HDAC2: variants seen among roughly 807,000 people sequenced by gnomAD.
The protein encoded by HDAC2 is histone deacetylase 2.
A neutral mutation model predicts 68.5 loss-of-function variants in HDAC2; 5 were observed. The observed-to-expected ratio is 0.07, with a 90% confidence interval of 0.04 to 0.15. The LOEUF (loss-of-function observed/expected upper bound fraction) is 0.15, where lower values mean the gene tolerates loss of function less well. Among genes scored for constraint, HDAC2 ranks in the 10% least tolerant of loss-of-function variants. The pLI, the probability that HDAC2 is intolerant of heterozygous loss-of-function variation, is 1.00. For missense variants in HDAC2, 291 were observed against 600.8 expected (o/e 0.48, Z 5.39); for synonymous variants, 182 against 191.3 (o/e 0.95, Z 0.40).
chr6:113,969,541 AC>A (rs1776922891), intron 1 of HDAC2, among the ~76,000 whole-genome samples: 1 of 152,196 alleles, frequency 6.6e-6, no homozygotes, highest in Non-Finnish European at 1.5e-5. Flanking sequence ...ATCAGACAGG[AC>A]TTTCAGGAGA....
intron 5 of HDAC2, among the ~76,000 whole-genome samples, chr6:113,955,204 T>C (rs932445383): frequency 4.6e-5 from 7 of 152,162 alleles, no homozygotes; most frequent in Admixed American, 4.6e-4. Context: ...TTGACATTTA[T>C]ATACACTTCT....
At chr6:113,956,543 T>A in intron 4 of HDAC2, 76 bp downstream of exon 4, 1 of 979,008 alleles carries the variant, frequency 1.0e-6, no homozygotes, top group Non-Finnish European at 1.6e-6. Context: ...TTAAAACTTC[T>A]GTTTTACACA....
intron 6 of HDAC2, among the ~76,000 whole-genome samples, chr6:113,952,106 C>T (rs1776433289): frequency 6.6e-6 from 1 of 152,142 alleles, no homozygotes; most frequent in Admixed American, 6.5e-5. Context: ...GGTGAAGAAT[C>T]ACCCAGAGTT....
At chr6:113,960,674 TA>T (rs567207465) in intron 1 of HDAC2, among the ~76,000 whole-genome samples, 138 of 152,184 alleles carry the variant, frequency 9.1e-4, no homozygotes, top group African/African-American at 3.2e-3. Context: ...AACTTATGCA[TA>T]AGATTTAAAA....
At chr6:113,970,468 G>A (rs577013730) in intron 1 of HDAC2, 7 of 1,081,044 alleles carry the variant, frequency 6.5e-6, no homozygotes, top group Admixed American at 5.4e-5. Flanking sequence ...GCCGACGCGG[G>A]GCACCCCAAA....
chr6:113,944,313 C>CAT lies in HDAC2; in HGVS notation c.1187_1188dup (p.Glu397MetfsTer20). ...CTCTTGTCTGGATCTTCTCCATCTT[C>CAT]ATCTCCACTGTCTTCATGAACAGCA... is the stretch of plus-strand genomic sequence containing the variant. On this transcript the variant is annotated frameshift_variant, in exon 11 of 14. Coordinates refer to ENST00000519065, the MANE Select transcript of HDAC2 (RefSeq NM_001527.4). LOFTEE classifies it high-confidence loss of function. 1 of 1,612,806 alleles carries CAT rather than the reference C, an allele frequency of 6.2e-7. No homozygotes were observed. Among genetic ancestry groups the CAT allele is most frequent in the African/African-American group, 1.3e-5 (1 of 75,000 alleles).
chr6:113,948,134 T>G (rs1776306103), intron 8 of HDAC2: 2 of 152,204 alleles, frequency 1.3e-5, no homozygotes, highest in Non-Finnish European at 2.9e-5. Flanking sequence ...TTCAATCATA[T>G]GCTGATTTCA....
intron 1 of HDAC2, among the ~76,000 whole-genome samples, chr6:113,963,177 G>A (rs2114617117): frequency 6.6e-6 from 1 of 151,430 alleles, no homozygotes; most frequent in African/African-American, 2.4e-5. Context: ...TCCACCTCTG[G>A]GGTTCAAGCA....
At chr6:113,962,153 C>T (rs565150748) in intron 1 of HDAC2, among the ~76,000 whole-genome samples, 5 of 151,382 alleles carry the variant, frequency 3.3e-5, no homozygotes, top group African/African-American at 4.8e-5. Context: ...AAGTACTTCA[C>T]ATATCTTTTA....
Position 113,971,083 on chromosome 6 carries a change from C to T in HDAC2, c.-175G>A, listed in dbSNP as rs1455127201. ...GAGGGGGCGCCGGGAAGGCTCGGTA[C>T]CACCCGGCAGAGGTGCCGAAAGCTC... is the stretch of plus-strand genomic sequence containing the variant. On this transcript the variant is annotated 5_prime_UTR_variant, in exon 1 of 14. Transcript: ENST00000519065. The T allele has an allele frequency of 1.2e-5, 19 of 1,551,606 alleles. No individual in the cohort carries two copies. Among genetic ancestry groups the T allele is most frequent in the Admixed American group, 5.9e-5 (3 of 51,088 alleles).
chr6:113,969,668 G>A (rs1193223410), intron 1 of HDAC2: 3 of 152,176 alleles, frequency 2.0e-5, no homozygotes, highest in Non-Finnish European at 4.4e-5. Flanking sequence ...CTACTCCATT[G>A]AGCAAGAAAA....
In HDAC2 at chr6:113,970,934, G is replaced by A; in HGVS notation, c.-26C>T. On this transcript the variant is annotated 5_prime_UTR_variant, in exon 1 of 14. Coordinates refer to ENST00000519065, the MANE Select transcript of HDAC2 (RefSeq NM_001527.4). ...GGGCTCCCCGGCCACCGCCGCCACC[G>A]GGCTCCTCCTCCTGCTGCTGCTGCT... The A allele has an allele frequency of 1.3e-6, 2 of 1,552,724 alleles. No individual in the cohort carries two copies. Among genetic ancestry groups the A allele is most frequent in the Non-Finnish European group, 1.7e-6 (2 of 1,148,268 alleles).
chr6:113,936,218 T>C lies in HDAC2; in HGVS notation c.*4840A>G, dbSNP rs1775993473. On this transcript the variant is annotated 3_prime_UTR_variant, in exon 14 of 14. Coordinates refer to ENST00000519065, the MANE Select transcript of HDAC2 (RefSeq NM_001527.4). ...TTCAAAAAGAATCTGTTAATACATG[T>C]TGCTCTGCTTGTTACATGGCCACCA... The C allele has an allele frequency of 6.6e-6, 1 of 152,228 alleles. No homozygotes were observed. The highest frequency in any genetic ancestry group is 1.5e-5 in the Non-Finnish European group (1 of 68,036). 9.4% of individuals were successfully genotyped at this position (152,228 alleles called of 1,614,324 possible).
intron 12 of HDAC2, among the ~76,000 whole-genome samples, chr6:113,942,885 T>C (rs1219929827): frequency 2.0e-5 from 3 of 152,318 alleles, no homozygotes; most frequent in East Asian, 3.9e-4. Flanking sequence ...GAGTTTTTAA[T>C]GTTTTCTTCA....
rs1406927347 is a variant in HDAC2 at position 113,939,149 on chromosome 6, A to T, written c.*1909T>A. 1 of 151,778 alleles carries T rather than the reference A, an allele frequency of 6.6e-6. No homozygotes were observed. The allele number at this position is 151,778 out of a possible 1,614,324, so 9.4% of individuals were successfully genotyped here. ...CACTGTTCCATCTCCTCCATCCACT[A>T]CTCCAGGATCTCATAGGTGACTCTA... On this transcript the variant is annotated 3_prime_UTR_variant, in exon 14 of 14. Transcript: ENST00000519065.
intron 6 of HDAC2, among the ~76,000 whole-genome samples, chr6:113,952,536 T>G (rs1369541682): frequency 6.6e-6 from 1 of 152,220 alleles, no homozygotes; most frequent in Non-Finnish European, 1.5e-5. Flanking sequence ...AGTTTAAAAC[T>G]TTGTTCAATG....
Position 113,935,411 on chromosome 6 carries a change from T to G in HDAC2, c.*5647A>C, listed in dbSNP as rs1775981017. On this transcript the variant is annotated 3_prime_UTR_variant, in exon 14 of 14. Coordinates refer to ENST00000519065, the MANE Select transcript of HDAC2 (RefSeq NM_001527.4). ...CTGTCCGTACTTTCCTTTAAAAGTT[T>G]TACCTGTACATCATCCTAGTAAGTA... 1 of 152,236 alleles carries G rather than the reference T, an allele frequency of 6.6e-6. No individual in the cohort carries two copies. The highest frequency in any genetic ancestry group is 1.5e-5 in the Non-Finnish European group (1 of 68,032). The allele number at this position is 152,236 out of a possible 1,614,324, so 9.4% of individuals were successfully genotyped here.
At chr6:113,945,030 A>G (rs1776235904) in intron 10 of HDAC2, among the ~76,000 whole-genome samples, 1 of 152,122 alleles carries the variant, frequency 6.6e-6, no homozygotes. Context: ...ACTAATAAAA[A>G]AAATTATTTC....
chr6:113,950,316 TAC>T (rs1776379618), intron 6 of HDAC2, among the ~76,000 whole-genome samples: 1 of 152,140 alleles, frequency 6.6e-6, no homozygotes. Context: ...TACTGTATAG[TAC>T]AGACATTACT....
Sources: allele counts gnomAD v4.1 joint callset (sites outside exome capture counted in the v4.1 genomes callset), GRCh38; gene constraint gnomAD v4.1.1; transcripts MANE v1.5; gene names NCBI Gene and HGNC (gene_info 2026-07-23, HGNC 2026-07-21).